Variants in IARS1 observed in about 807,000 individuals in gnomAD.
The protein encoded by IARS1 is isoleucine--tRNA ligase, cytoplasmic.
In IARS1, 124 loss-of-function variants were observed where a neutral mutation model predicts 168.2. That is an observed-to-expected ratio of 0.74 (90% CI 0.64 to 0.86). The LOEUF (loss-of-function observed/expected upper bound fraction) is 0.86, where lower values mean the gene tolerates loss of function less well. Among genes scored for constraint, IARS1 ranks in the 40% least tolerant of loss-of-function variants. The pLI, the probability that IARS1 is intolerant of heterozygous loss-of-function variation, is 0.00. For synonymous variants in IARS1, 532 were observed against 529.4 expected, an observed-to-expected ratio of 1.00 and a Z score of -0.07; for missense variants, 1,452 against 1,515.8, an observed-to-expected ratio of 0.96 and a Z score of 0.70.
chr9:92,276,518 C>T (rs568175486), intron 9 of IARS1, among the ~76,000 whole-genome samples: 5 of 152,178 alleles, frequency 3.3e-5, no homozygotes, highest in African/African-American at 1.2e-4. Flanking sequence ...AGGAAGAAGG[C>T]TATCAAGTAG....
intron 31 of IARS1, among the ~76,000 whole-genome samples, chr9:92,226,342 T>A (rs761394878): frequency 1.3e-4 from 20 of 152,188 alleles, no homozygotes; most frequent in Admixed American, 3.9e-4. Flanking sequence ...ATTCTTCTAG[T>A]TTTTGCCAAT....
intron 14 of IARS1, among the ~76,000 whole-genome samples, chr9:92,267,843 G>A (rs1169153006): frequency 6.6e-6 from 1 of 152,016 alleles, no homozygotes; most frequent in East Asian, 1.9e-4. Flanking sequence ...TTAACCATAA[G>A]CTAATAGTAT....
chr9:92,245,936 T>TTGTG (rs369456728), intron 26 of IARS1, among the ~76,000 whole-genome samples: 97 of 151,032 alleles, frequency 6.4e-4, no homozygotes, highest in Non-Finnish European at 1.1e-3. Flanking sequence ...CTGGCTAATT[T>TTGTG]TGTGTGTGTG....
intron 10 of IARS1, 108 bp downstream of exon 10, chr9:92,274,318 G>GA (rs1157564284): frequency 1.3e-6 from 1 of 797,302 alleles, no homozygotes; most frequent in Admixed American, 2.0e-5. Context: ...CAGTGAGCCA[G>GA]AAAAGAGGCC....
chr9:92,223,502 A>T lies in IARS1; in HGVS notation c.3410-13T>A, dbSNP rs1338239822. ...TGGTTTTGTATTTCTAAAAATAACA[A>T]CAACAATTCTTTCAGGGTTAACGAA... On this transcript the variant is annotated splice_polypyrimidine_tract_variant and intron_variant, in intron 31 of 33. Coordinates refer to ENST00000443024, the MANE Select transcript of IARS1 (RefSeq NM_002161.6). 6.2e-7 allele frequency: 1 copy of T among 1,605,058 alleles called. No homozygotes were observed. The highest frequency in any genetic ancestry group is 8.5e-7 in the Non-Finnish European group (1 of 1,174,194).
chr9:92,260,023 T>C, intron 18 of IARS1, 128 bp downstream of exon 18: 1 of 665,034 alleles, frequency 1.5e-6, no homozygotes, highest in Non-Finnish European at 2.7e-6. Flanking sequence ...CAACATAACA[T>C]CCAAATAACA....
At chr9:92,230,112 C>CTTTTT in intron 30 of IARS1, among the ~76,000 whole-genome samples, 1 of 151,124 alleles carries the variant, frequency 6.6e-6, no homozygotes, top group Non-Finnish European at 1.5e-5. Flanking sequence ...AATTTCTTTT[C>CTTTTT]TTTTCTTTTT....
intron 26 of IARS1, among the ~76,000 whole-genome samples, chr9:92,245,473 T>C (rs1829045711): frequency 6.6e-6 from 1 of 152,222 alleles, no homozygotes; most frequent in African/African-American, 2.4e-5. Flanking sequence ...CATGGTGTTC[T>C]GCTACCTGCT....
intron 13 of IARS1, among the ~76,000 whole-genome samples, chr9:92,269,286 G>A (rs1341344570): frequency 6.6e-6 from 1 of 152,148 alleles, no homozygotes; most frequent in Non-Finnish European, 1.5e-5. Context: ...AGTTAAGAGT[G>A]GTGATTACTT....
intron 6 of IARS1, among the ~76,000 whole-genome samples, chr9:92,284,185 C>T (rs1294853956): frequency 6.6e-6 from 1 of 151,658 alleles, no homozygotes; most frequent in Non-Finnish European, 1.5e-5. Flanking sequence ...TCAAAAACAA[C>T]AACAACAACA....
In IARS1 at chr9:92,289,292, T is replaced by A. The variant is rs769620081; in HGVS notation, c.119+9A>T. On this transcript the variant is annotated intron_variant, in intron 2 of 33. Transcript: ENST00000443024. ...TCTTAAGGGAACTTAACCTAAAAAA[T>A]TCACATACTTTGGTTTATGTTTTGA... 2 of 1,153,856 alleles carry A rather than the reference T, an allele frequency of 1.7e-6. No individual in the cohort carries two copies. The highest frequency in any genetic ancestry group is 3.1e-5 in the African/African-American group (2 of 64,884). 71.5% of individuals were successfully genotyped at this position (1,153,856 alleles called of 1,614,324 possible).
rs777119092 is a variant in IARS1, at chr9:92,258,871, C to A, written c.1999G>T (p.Val667Phe). The A allele has an allele frequency of 6.2e-7, 1 of 1,610,896 alleles. No homozygotes were observed. The highest frequency in any genetic ancestry group is 1.7e-4 in the Middle Eastern group (1 of 5,904). The change falls in exon 19 of 34, where the codon GTT becomes TTT. Residue 667 changes from valine (V) to phenylalanine (F), a missense_variant. Transcript: ENST00000443024. ...YNAYRFLIQN[V>F]LRLQKEEEIE... ...GCCCATACCTTCTGGAGCCTCAGAACGTTCTGGATTAAGAAGCGATAGGCA... is the reference window on the plus strand; with the variant it reads ...GCCCATACCTTCTGGAGCCTCAGAAAGTTCTGGATTAAGAAGCGATAGGCA...
At chr9:92,255,337 C>T (rs1264787110) in intron 20 of IARS1, among the ~76,000 whole-genome samples, 1 of 152,190 alleles carries the variant, frequency 6.6e-6, no homozygotes, top group African/African-American at 2.4e-5. Context: ...GCAGGAACCG[C>T]AGAGCCCTGT....
chr9:92,247,799 C>T (rs535712200), intron 25 of IARS1, among the ~76,000 whole-genome samples: 7 of 152,148 alleles, frequency 4.6e-5, no homozygotes, highest in Non-Finnish European at 1.0e-4. Flanking sequence ...AGGTGAAACA[C>T]GCCAGACATA....
intron 18 of IARS1, among the ~76,000 whole-genome samples, chr9:92,259,859 A>G (rs1831266308): frequency 6.6e-6 from 1 of 152,252 alleles, no homozygotes; most frequent in Non-Finnish European, 1.5e-5. Context: ...CTAGAAAGGA[A>G]GTAAGGCAGA....
At chr9:92,221,356 T>C (rs1839643180) in intron 33 of IARS1, among the ~76,000 whole-genome samples, 1 of 152,078 alleles carries the variant, frequency 6.6e-6, no homozygotes, top group Non-Finnish European at 1.5e-5. Flanking sequence ...ACACAAATAC[T>C]GACACAGAAA....
At chr9:92,272,371 A>G (rs562848431) in intron 10 of IARS1, among the ~76,000 whole-genome samples, 1 of 152,362 alleles carries the variant, frequency 6.6e-6, no homozygotes, top group East Asian at 1.9e-4. Context: ...CCCTAAGTGC[A>G]GCAATTTGAA....
chr9:92,228,704 AC>A (rs1337512401), intron 31 of IARS1, among the ~76,000 whole-genome samples: 1 of 152,116 alleles, frequency 6.6e-6, no homozygotes, highest in Non-Finnish European at 1.5e-5. Flanking sequence ...ACAGAGTGAG[AC>A]CCTGTCTCAA....
intron 19 of IARS1, 147 bp downstream of exon 19, chr9:92,258,707 G>GGCCT (rs1205631750): frequency 1.4e-6 from 1 of 719,448 alleles, no homozygotes; most frequent in Non-Finnish European, 2.1e-6. Context: ...CTGCATGTAT[G>GGCCT]GCCTCCCCAT....
Sources: allele counts gnomAD v4.1 joint callset (sites outside exome capture counted in the v4.1 genomes callset), GRCh38; gene constraint gnomAD v4.1.1; transcripts MANE v1.5; gene names NCBI Gene and HGNC (gene_info 2026-07-23, HGNC 2026-07-21).